The following SIK3 variants were observed in gnomAD, a reference collection of about 807,000 sequenced individuals.
The protein encoded by SIK3 is SIK family kinase 3.
Under a neutral mutation model 144.2 loss-of-function variants are expected in SIK3, and 28 were observed. That is an observed-to-expected ratio of 0.19 (90% CI 0.14 to 0.27). The LOEUF (loss-of-function observed/expected upper bound fraction) is 0.27, where lower values mean the gene tolerates loss of function less well. Ranked by LOEUF, SIK3 falls within the 10% of genes least tolerant of loss-of-function variation. The probability of loss-of-function intolerance (pLI) is 1.00; values close to 1 mark genes in which losing one functional copy is unlikely to be tolerated. For missense variants in SIK3, 1,319 were observed against 1,776.0 expected, an observed-to-expected ratio of 0.74 and a Z score of 4.62; for synonymous variants, 686 against 676.3, an observed-to-expected ratio of 1.01 and a Z score of -0.22.
At position 116,874,146 on chromosome 11, in the gene SIK3, G is replaced by C; in HGVS notation, c.1428-90C>G. 4.8e-6 allele frequency: 6 copies of C among 1,244,600 alleles called. No individual in the cohort carries two copies. The South Asian group carries it at 8.1e-5, about 17-fold the overall frequency. 77.1% of individuals were successfully genotyped at this position (1,244,600 alleles called of 1,614,324 possible). The stretch of plus-strand genomic sequence containing the variant: ...AAAACTGATGGCATTGCTATGTTCA[G>C]TACAACTTATTTTATTTTCTTCCTG... On this transcript the variant is annotated intron_variant, in intron 11 of 24. Coordinates refer to ENST00000445177, the MANE Select transcript of SIK3 (RefSeq NM_001366686.3).
At chr11:116,965,960 AAAG>A (rs1177306815) in intron 1 of SIK3, among the ~76,000 whole-genome samples, 1 of 150,442 alleles carries the variant, frequency 6.6e-6, no homozygotes, top group African/African-American at 2.4e-5. Context: ...GAAGAGCAGG[AAAG>A]AAGGAGGACA....
intron 1 of SIK3, among the ~76,000 whole-genome samples, chr11:117,058,844 G>A (rs1046116886): frequency 2.0e-5 from 3 of 152,140 alleles, no homozygotes; most frequent in Non-Finnish European, 4.4e-5. Flanking sequence ...GCCCTAGAGC[G>A]GGAACACAGA....
At chr11:116,986,269 C>T (rs1950323192) in intron 1 of SIK3, among the ~76,000 whole-genome samples, 1 of 152,180 alleles carries the variant, frequency 6.6e-6, no homozygotes, top group African/African-American at 2.4e-5. Context: ...CATCCTAACT[C>T]TGCAACTTAG....
At chr11:117,097,020 A>T (rs1465948829) in intron 1 of SIK3, among the ~76,000 whole-genome samples, 1 of 152,170 alleles carries the variant, frequency 6.6e-6, no homozygotes, top group Non-Finnish European at 1.5e-5. Flanking sequence ...TTCAAGTAAG[A>T]TATTGAGCAA....
chr11:116,995,252 G>A (rs1391028425), intron 1 of SIK3, among the ~76,000 whole-genome samples: 2 of 134,462 alleles, frequency 1.5e-5, no homozygotes, highest in African/African-American at 5.8e-5. Flanking sequence ...AGGCGACAGA[G>A]CAAGACTCCG....
intron 3 of SIK3, among the ~76,000 whole-genome samples, chr11:116,928,502 G>T (rs1947409587): frequency 6.6e-6 from 1 of 152,170 alleles, no homozygotes; most frequent in African/African-American, 2.4e-5. Context: ...AACAGTTTTG[G>T]TAGAATACAC....
chr11:116,917,827 G>GAAGGAAAGGAAAGGA (rs55678809), intron 4 of SIK3, among the ~76,000 whole-genome samples: 31,105 of 104,720 alleles, frequency 0.3, 5,814 homozygotes, highest in Non-Finnish European at 0.35. Flanking sequence ...GAAGAAGAAG[G>GAAGGAAAGGAAAGGA]AAGGAAAGGA....
intron 1 of SIK3, among the ~76,000 whole-genome samples, chr11:116,994,051 AC>A (rs1450529744): frequency 2.6e-5 from 4 of 152,356 alleles, no homozygotes; most frequent in African/African-American, 9.6e-5. Flanking sequence ...AATATAAAAA[AC>A]CATTCCTATT....
chr11:116,993,837 A>T (rs1287537416), intron 1 of SIK3, among the ~76,000 whole-genome samples: 1 of 152,244 alleles, frequency 6.6e-6, no homozygotes, highest in African/African-American at 2.4e-5. Flanking sequence ...CAATTGTCAC[A>T]AATGACAAAG....
At chr11:117,047,446 G>A (rs759955358) in intron 1 of SIK3, among the ~76,000 whole-genome samples, 2 of 152,044 alleles carry the variant, frequency 1.3e-5, no homozygotes, top group Non-Finnish European at 2.9e-5. Flanking sequence ...GGGTAGGGAA[G>A]GTGGACTAGC....
chr11:116,973,180 C>A (rs1204215056), intron 1 of SIK3, among the ~76,000 whole-genome samples: 1 of 152,104 alleles, frequency 6.6e-6, no homozygotes, highest in African/African-American at 2.4e-5. Flanking sequence ...GACTCAAGAC[C>A]CATGGAAACT....
intron 15 of SIK3, among the ~76,000 whole-genome samples, chr11:116,865,340 G>C (rs1189603952): frequency 1.3e-5 from 2 of 152,152 alleles, no homozygotes; most frequent in Non-Finnish European, 2.9e-5. Context: ...GGTATTTCAT[G>C]ACTTTTTCAG....
rs12289176 is a variant in SIK3 at position 117,059,148 on chromosome 11, C to T, written c.273+38995G>A. Among the ~76,000 whole-genome samples the T allele has an allele frequency of 3.5e-3, 533 of 152,230 alleles. 5 individuals carry two copies. Among genetic ancestry groups the T allele is most frequent in the African/African-American group, 0.012 (514 of 41,528 alleles). On this transcript the variant is annotated intron_variant, in intron 1 of 24. Coordinates refer to ENST00000445177, the MANE Select transcript of SIK3 (RefSeq NM_001366686.3). ...ACAGATTTGTAATTCCAGAAGTGGACGTTTGGCCACAGAAATAAATTGCTA... is the reference window on the plus strand; with the variant it reads ...ACAGATTTGTAATTCCAGAAGTGGATGTTTGGCCACAGAAATAAATTGCTA...
chr11:117,049,351 G>A (rs945857560), intron 1 of SIK3, among the ~76,000 whole-genome samples: 2 of 151,990 alleles, frequency 1.3e-5, no homozygotes, highest in African/African-American at 4.8e-5. Context: ...GCCAAGGCCG[G>A]GAGATCACTT....
intron 24 of SIK3, 50 bp from the exon 25 acceptor site, chr11:116,845,679 C>G (rs1029335321): frequency 6.6e-6 from 1 of 152,224 alleles, no homozygotes; most frequent in African/African-American, 2.4e-5. Flanking sequence ...GAGAAAGGCT[C>G]AAATATTCCA....
At chr11:116,967,234 C>A (rs1394381922) in intron 1 of SIK3, among the ~76,000 whole-genome samples, 1 of 152,138 alleles carries the variant, frequency 6.6e-6, no homozygotes. Context: ...TTGTACTCTT[C>A]CCAAGAACAG....
chr11:116,860,382 A>C (rs1943254412), intron 19 of SIK3, among the ~76,000 whole-genome samples: 1 of 152,126 alleles, frequency 6.6e-6, no homozygotes, highest in South Asian at 2.1e-4. Context: ...CAAGGATCCT[A>C]GGGAGACTGA....
intron 6 of SIK3, 65 bp from the exon 7 acceptor site, chr11:116,877,107 C>A (rs1265465108): frequency 7.0e-7 from 1 of 1,434,740 alleles, no homozygotes; most frequent in Admixed American, 1.7e-5. Context: ...AGTAGAGGAA[C>A]CAGGGGCAAA....
rs566611633 is a variant in SIK3, at chr11:116,993,871, G to C, written c.274-36807C>G. Among the ~76,000 whole-genome samples, 4 of 152,352 alleles carry C rather than the reference G, an allele frequency of 2.6e-5. 1 individual carries two copies. The South Asian group carries it at 8.3e-4, about 32-fold the overall frequency. ...AGGGAACTTACAGCGTGACAGCCAAGCAAGTGCCTTTTCCGAACTGTGTGG... is the reference window on the plus strand; with the variant it reads ...AGGGAACTTACAGCGTGACAGCCAACCAAGTGCCTTTTCCGAACTGTGTGG... On this transcript the variant is annotated intron_variant, in intron 1 of 24. Transcript: ENST00000445177.
Sources: allele counts gnomAD v4.1 joint callset (sites outside exome capture counted in the v4.1 genomes callset), GRCh38; gene constraint gnomAD v4.1.1; transcripts MANE v1.5; gene names NCBI Gene and HGNC (gene_info 2026-07-23, HGNC 2026-07-21).